The following DNAH6 variants were observed in gnomAD, a reference collection of about 807,000 sequenced individuals.
The protein encoded by DNAH6 is dynein axonemal heavy chain 6, also known as axonemal beta dynein heavy chain 6.
A neutral mutation model predicts 491.4 loss-of-function variants in DNAH6; 340 were observed. The ratio of observed to expected loss-of-function variants is 0.69; its 90% confidence interval spans 0.63 to 0.76. The LOEUF (loss-of-function observed/expected upper bound fraction) is 0.76. DNAH6 is among the 30% of genes least tolerant of loss of function. DNAH6 has a pLI of 0.00. For missense variants in DNAH6, 4,443 were observed against 4,972.2 expected (o/e 0.89, Z 3.20); for synonymous variants, 1,603 against 1,686.1 (o/e 0.95, Z 1.21).
At chr2:84,570,995 C>T (rs1040583290) in intron 11 of DNAH6, among the ~76,000 whole-genome samples, 3 of 152,078 alleles carry the variant, frequency 2.0e-5, no homozygotes, top group East Asian at 3.9e-4. Context: ...CGTGAGAGTC[C>T]GGGGCTTCAT....
rs569553672 is a variant in DNAH6, at chr2:84,749,932, T to C, written c.10512+4683T>C. Among the ~76,000 whole-genome samples, 10 of 152,320 alleles carry C rather than the reference T, an allele frequency of 6.6e-5. No individual in the cohort carries two copies. In the South Asian group the frequency reaches 2.1e-3, roughly 32 times the overall value. ...ATAGGAGATGATGAAGTTTATAGAT[T>C]AGAAGAGACTTAGGAGACAAAATAA... On this transcript the variant is annotated intron_variant, in intron 63 of 76. Coordinates refer to ENST00000389394, the MANE Select transcript of DNAH6 (RefSeq NM_001370.2).
At chr2:84,586,735 T>A (rs1683594631) in intron 15 of DNAH6, among the ~76,000 whole-genome samples, 1 of 152,206 alleles carries the variant, frequency 6.6e-6, no homozygotes, top group African/African-American at 2.4e-5. Flanking sequence ...TTAAGTAACT[T>A]GCCAAGGGTC....
intron 2 of DNAH6, among the ~76,000 whole-genome samples, chr2:84,521,856 T>C (rs1189116830): frequency 6.6e-6 from 1 of 152,164 alleles, no homozygotes; most frequent in African/African-American, 2.4e-5. Context: ...ACCAGTACCA[T>C]GTTGTTTTGG....
chr2:84,491,738 G>GT, the DNAH6 span, among the ~76,000 whole-genome samples: 1 of 152,136 alleles, frequency 6.6e-6, no homozygotes, highest in Non-Finnish European at 1.5e-5. Flanking sequence ...CTCTCAAGTT[G>GT]TTTTTTCTGT....
chr2:84,746,235 A>G (rs1255390698), intron 63 of DNAH6, among the ~76,000 whole-genome samples: 3 of 152,196 alleles, frequency 2.0e-5, no homozygotes, highest in African/African-American at 7.2e-5. Context: ...AAGTAAAACT[A>G]TGGGAGTTGT....
intron 4 of DNAH6, among the ~76,000 whole-genome samples, chr2:84,539,736 A>T (rs1281882395): frequency 6.6e-6 from 1 of 152,136 alleles, no homozygotes; most frequent in African/African-American, 2.4e-5. Flanking sequence ...AGAAACATTG[A>T]CCATAGAGCA....
At chr2:84,766,424 C>T (rs1175766835) in intron 64 of DNAH6, among the ~76,000 whole-genome samples, 1 of 152,068 alleles carries the variant, frequency 6.6e-6, no homozygotes, top group Non-Finnish European at 1.5e-5. Context: ...TTCTGCACAT[C>T]CATGTGTTAA....
intron 54 of DNAH6, among the ~76,000 whole-genome samples, chr2:84,708,743 AT>A (rs1023350914): frequency 3.9e-5 from 6 of 152,186 alleles, no homozygotes; most frequent in Non-Finnish European, 5.9e-5. Context: ...AATTTTAGTC[AT>A]TTTTTTGAAA....
intron 38 of DNAH6, among the ~76,000 whole-genome samples, chr2:84,669,976 G>A (rs565321907): frequency 6.6e-5 from 10 of 152,230 alleles, no homozygotes; most frequent in African/African-American, 2.4e-4. Context: ...TGGGCTTCTT[G>A]GTTTTGGAGA....
At chr2:84,634,072 C>A (rs1409416278) in intron 29 of DNAH6, among the ~76,000 whole-genome samples, 5 of 152,210 alleles carry the variant, frequency 3.3e-5, no homozygotes, top group African/African-American at 1.2e-4. Context: ...ATCTGCACAG[C>A]TATGCCTTCT....
intron 3 of DNAH6, among the ~76,000 whole-genome samples, chr2:84,528,158 G>T (rs1167577957): frequency 2.0e-5 from 3 of 152,122 alleles, no homozygotes. Flanking sequence ...TGGAGTGTGT[G>T]GGCATGGCAC....
In DNAH6 at chr2:84,641,947, A is replaced by G; in HGVS notation, c.4971A>G (p.Gly1657=). Residue 1657 remains glycine (G), a splice_region_variant and synonymous_variant, in exon 33 of 77, where the codon GGA becomes GGG. Transcript: ENST00000389394. The part of the protein sequence containing the change: ...RAVKSVLVMA[G]SLKRENPDLN... ...ATCCGAAATATTCCTTTAAATTTAG[A>G]TCTTTAAAAAGAGAAAACCCAGACC... 2 of 1,548,076 alleles carry G rather than the reference A, an allele frequency of 1.3e-6. No individual in the cohort carries two copies. Among genetic ancestry groups the G allele is most frequent in the South Asian group, 2.4e-5 (2 of 83,826 alleles).
At chr2:84,657,206 C>A (rs1691065312) in intron 35 of DNAH6, among the ~76,000 whole-genome samples, 1 of 152,030 alleles carries the variant, frequency 6.6e-6, no homozygotes, top group African/African-American at 2.4e-5. Flanking sequence ...ATTCTTTCAA[C>A]AATAACCCAC....
At chr2:84,733,685 G>T in intron 62 of DNAH6, 106 bp downstream of exon 62, 11 of 1,026,886 alleles carry the variant, frequency 1.1e-5, no homozygotes, top group Middle Eastern at 2.3e-4. Flanking sequence ...TTTTTCACTA[G>T]GAACTTCCTT....
At chr2:84,514,294 G>A (rs1675449894), upstream of DNAH6, among the ~76,000 whole-genome samples, 1 of 152,082 alleles carries the variant, frequency 6.6e-6, no homozygotes, top group African/African-American at 2.4e-5. Context: ...GATGGATCTG[G>A]ATTTGTATCT....
chr2:84,808,648 T>A (rs1573874099), intron 72 of DNAH6, 106 bp downstream of exon 72: 1 of 1,165,650 alleles, frequency 8.6e-7, no homozygotes, highest in East Asian at 2.6e-5. Context: ...TCCATTTGGA[T>A]ACACTAACAA....
At chr2:84,593,639 C>T (rs1039325406) in intron 16 of DNAH6, among the ~76,000 whole-genome samples, 1 of 152,090 alleles carries the variant, frequency 6.6e-6, no homozygotes, top group Non-Finnish European at 1.5e-5. Flanking sequence ...ATCTGCTTTC[C>T]CTAGAAGACC....
upstream of DNAH6, among the ~76,000 whole-genome samples, chr2:84,514,994 T>C (rs915249032): frequency 5.3e-5 from 8 of 152,046 alleles, no homozygotes; most frequent in East Asian, 9.6e-4. Context: ...TGAGGAGCAA[T>C]AGATTTGTCT....
In DNAH6 at chr2:84,715,522, A is replaced by G. The variant is rs1408859460; in HGVS notation, c.9544-38A>G. On this transcript the variant is annotated intron_variant, in intron 57 of 76. Coordinates refer to ENST00000389394, the MANE Select transcript of DNAH6 (RefSeq NM_001370.2). The stretch of plus-strand genomic sequence containing the variant: ...AAAGAAAGGTATTTTATTAGTTTGC[A>G]CTTAAGCATTTTTATGCACTCTGTG... The G allele has an allele frequency of 1.9e-6, 3 of 1,539,614 alleles. No individual in the cohort carries two copies. The Admixed American group carries it at 5.9e-5, about 30-fold the overall frequency.
Sources: allele counts gnomAD v4.1 joint callset (sites outside exome capture counted in the v4.1 genomes callset), GRCh38; gene constraint gnomAD v4.1.1; transcripts MANE v1.5; gene names NCBI Gene and HGNC (gene_info 2026-07-23, HGNC 2026-07-21).